CHERP: variants seen among roughly 807,000 people sequenced by gnomAD.
CHERP encodes the protein ERPROT 213-21.
Under a neutral mutation model 113.8 loss-of-function variants are expected in CHERP, and 8 were observed. The ratio of observed to expected loss-of-function variants is 0.07; its 90% CI spans 0.04 to 0.13. The LOEUF (loss-of-function observed/expected upper bound fraction) is 0.13. Ranked by LOEUF, CHERP falls within the 10% of genes least tolerant of loss-of-function variation. CHERP has a pLI of 1.00. For missense variants in CHERP, 884 were observed against 1,298.2 expected (o/e 0.68, Z 4.90); for synonymous variants, 559 against 524.5 (o/e 1.07, Z -0.90).
At position 16,523,185 on chromosome 19, in the gene CHERP, G is replaced by T. The variant is rs371448176; in HGVS notation, c.1847C>A (p.Pro616His). The T allele has an allele frequency of 7.0e-6, 11 of 1,575,764 alleles. No individual in the cohort carries two copies. Among genetic ancestry groups the T allele is most frequent in the Admixed American group, 1.9e-5 (1 of 51,378 alleles). ...GPQHPDFGPPPHGFNGQPPHM... is the reference protein window; with the variant it reads ...GPQHPDFGPPHHGFNGQPPHM... Reference sequence around the variant, plus strand: ...TGGGGGCTGCCCGTTGAAGCCATGGGGGGGAGGGCCGAAGTCAGGGTGCTG... The same window carrying T: ...TGGGGGCTGCCCGTTGAAGCCATGGTGGGGAGGGCCGAAGTCAGGGTGCTG... Residue 616 changes from proline to histidine, a missense_variant, in exon 11 of 17, where the codon CCC (proline) becomes CAC (histidine). Around this residue, in one of 8 missense-constraint regions of CHERP, gnomAD observed 464 missense variants for 590.1 expected, o/e 0.79. Transcript: ENST00000546361. The surrounding 1 kb of genome is among the most constrained non-coding windows in gnomAD (Gnocchi z 4.0).
chr19:16,525,495 C>G lies in CHERP; in HGVS notation c.1488G>C (p.Trp496Cys). Residue 496 changes from tryptophan (W) to cysteine (C), a missense_variant, in exon 10 of 17, where the codon TGG becomes TGC. Around this residue, in one of 8 missense-constraint regions of CHERP, gnomAD observed 464 missense variants for 590.1 expected, o/e 0.79. Coordinates refer to ENST00000546361, the MANE Select transcript of CHERP (RefSeq NM_006387.6). This position sits in a 1 kb window ranked among gnomAD's most constrained non-coding sequence, Gnocchi z 6.5. ...AAWNSQFEGP[W>C]NSQHEQPPWG... ...AGGGCGGCTGCTCGTGCTGGCTGTT[C>G]CAGGGGCCCTCGAACTGGCTGTTCC... is the stretch of plus-strand genomic sequence containing the variant. The G allele has an allele frequency of 1.3e-6, 2 of 1,553,902 alleles. No individual in the cohort carries two copies. Among genetic ancestry groups the G allele is most frequent in the Non-Finnish European group, 1.7e-6 (2 of 1,150,946 alleles).
At chr19:16,527,875 G>C (rs1039993498) in intron 9 of CHERP, among the ~76,000 whole-genome samples, 8 of 152,190 alleles carry the variant, frequency 5.3e-5, no homozygotes, top group African/African-American at 1.9e-4. Context: ...TCAAAGCTCG[G>C]GGAAGGGACG....
chr19:16,525,090 A>C lies in CHERP; in HGVS notation c.1741+152T>G. 3 of 713,920 alleles carry C rather than the reference A, an allele frequency of 4.2e-6. No homozygotes were observed. The highest frequency in any genetic ancestry group is 4.8e-5 in the South Asian group (1 of 20,868). The allele number at this position is 713,920 out of a possible 1,614,324, so 44.2% of individuals were successfully genotyped here. ...GAGTCTGTGCCCCCACTTCCTGAGA[A>C]CCCAGGCCGGGCTCCTCGGACGTCC... On this transcript the variant is annotated intron_variant, in intron 10 of 16. Transcript: ENST00000546361. The surrounding 1 kb of genome is among the most constrained non-coding windows in gnomAD (Gnocchi z 6.5).
intron 3 of CHERP, 80 bp from the exon 4 acceptor site, chr19:16,533,228 GC>G: frequency 7.1e-7 from 1 of 1,410,068 alleles, no homozygotes; most frequent in Non-Finnish European, 9.6e-7. Flanking sequence ...CTCAGCAGGG[GC>G]GGGGTGGGGA....
Position 16,532,937 on chromosome 19 carries a change from G to C in CHERP, c.522+74C>G. ...ACCCATTGTAACAGCCCTTAGCCCA[G>C]ATTGGCTACGACAGGCCCTGCCTCA... On this transcript the variant is annotated intron_variant, in intron 4 of 16. Coordinates refer to ENST00000546361, the MANE Select transcript of CHERP (RefSeq NM_006387.6). The surrounding 1 kb of genome is among the most constrained non-coding windows in gnomAD (Gnocchi z 4.4). The C allele has an allele frequency of 1.9e-6, 3 of 1,538,708 alleles. No homozygotes were observed. Among genetic ancestry groups the C allele is most frequent in the Non-Finnish European group, 2.6e-6 (3 of 1,138,466 alleles).
chr19:16,532,962 A>G lies in CHERP; in HGVS notation c.522+49T>C, dbSNP rs369648592. 1 of 1,553,240 alleles carries G rather than the reference A, an allele frequency of 6.4e-7. No individual in the cohort carries two copies. The highest frequency in any genetic ancestry group is 2.4e-5 in the East Asian group (1 of 41,404). Reference sequence around the variant, plus strand: ...GATTGGCTACGACAGGCCCTGCCTCAGGGAGGGACCAAGGGAAAGCTGGGC... The same window carrying G: ...GATTGGCTACGACAGGCCCTGCCTCGGGGAGGGACCAAGGGAAAGCTGGGC... On this transcript the variant is annotated intron_variant, in intron 4 of 16. Coordinates refer to ENST00000546361, the MANE Select transcript of CHERP (RefSeq NM_006387.6). This position sits in a 1 kb window ranked among gnomAD's most constrained non-coding sequence, Gnocchi z 4.4.
At chr19:16,541,684 T>C (rs1417107829) in intron 2 of CHERP, 186 bp downstream of exon 2, 1 of 597,426 alleles carries the variant, frequency 1.7e-6, no homozygotes, top group Non-Finnish European at 2.9e-6. Flanking sequence ...TGTTCTCCAT[T>C]ACAGTGGCAC....
In CHERP at chr19:16,532,268, G is replaced by C; in HGVS notation, c.674+330C>G. 7.1e-6 allele frequency: 2 copies of C among 280,794 alleles called. No individual in the cohort carries two copies. The allele number at this position is 280,794 out of a possible 1,614,324, so 17.4% of individuals were successfully genotyped here. A position where few individuals can be genotyped will look rare whatever the true frequency, so the allele number is the denominator to read the frequency against. On this transcript the variant is annotated intron_variant, in intron 5 of 16. Transcript: ENST00000546361. The surrounding 1 kb of genome is among the most constrained non-coding windows in gnomAD (Gnocchi z 4.4). The stretch of plus-strand genomic sequence containing the variant: ...AGGCCAAGGAGGCCGTGGCTGAGAA[G>C]GCAACAAGGAGACGCCAAGAAGCTG...
Position 16,532,981 on chromosome 19 carries a change from G to A in CHERP, c.522+30C>T, listed in dbSNP as rs997066673. On this transcript the variant is annotated intron_variant, in intron 4 of 16. Transcript: ENST00000546361. This position sits in a 1 kb window ranked among gnomAD's most constrained non-coding sequence, Gnocchi z 4.4. ...TGCCTCAGGGAGGGACCAAGGGAAA[G>A]CTGGGCTCTGGGAAGTGCTGGCCCC... 1.3e-6 allele frequency: 2 copies of A among 1,558,154 alleles called. No individual in the cohort carries two copies. The highest frequency in any genetic ancestry group is 3.9e-5 in the Admixed American group (2 of 51,658).
intron 11 of CHERP, among the ~76,000 whole-genome samples, chr19:16,522,151 TG>T (rs2085621734): frequency 6.6e-6 from 1 of 152,066 alleles, no homozygotes; most frequent in South Asian, 2.1e-4. Flanking sequence ...CTGCTGCCCA[TG>T]GCTCCGTGAA....
In CHERP at chr19:16,520,455, G is replaced by C; in HGVS notation, c.2254C>G (p.Arg752Gly). The stretch of plus-strand genomic sequence containing the variant: ...GACTTGGAGGATCTTGAGTTGGAGC[G>C]GGAGGAAGAACGCCCTCGACTCTTG... The part of the protein sequence containing the change: ...RSKSRGRSSS[R>G]SNSRSSKSSG... The change falls in exon 14 of 17, where the codon CGC becomes GGC. Residue 752 changes from arginine (R) to glycine (G), a missense_variant. Transcript: ENST00000546361. This position sits in a 1 kb window ranked among gnomAD's most constrained non-coding sequence, Gnocchi z 4.0. 3 of 1,614,098 alleles carry C rather than the reference G, an allele frequency of 1.9e-6. No homozygotes were observed. Among genetic ancestry groups the C allele is most frequent in the Non-Finnish European group, 2.5e-6 (3 of 1,180,016 alleles).
At position 16,520,635 on chromosome 19, in the gene CHERP, G is replaced by A; in HGVS notation, c.2202-128C>T. ...CTGTGGATGTGGCGCCATAGCCACA[G>A]CAACGGTACCAAGTTCCTAAATAGT... On this transcript the variant is annotated intron_variant, in intron 13 of 16. Transcript: ENST00000546361. This position sits in a 1 kb window ranked among gnomAD's most constrained non-coding sequence, Gnocchi z 4.0. 1 of 1,231,916 alleles carries A rather than the reference G, an allele frequency of 8.1e-7. No homozygotes were observed. Among genetic ancestry groups the A allele is most frequent in the South Asian group, 1.4e-5 (1 of 72,864 alleles). 76.3% of individuals were successfully genotyped at this position (1,231,916 alleles called of 1,614,324 possible). A position where few individuals can be genotyped will look rare whatever the true frequency, so the allele number is the denominator to read the frequency against.
intron 2 of CHERP, among the ~76,000 whole-genome samples, chr19:16,538,111 C>T (rs1381305934): frequency 3.3e-5 from 5 of 152,068 alleles, no homozygotes; most frequent in Non-Finnish European, 4.4e-5. Flanking sequence ...GTCTCTCCCA[C>T]GCTTCCAGGA....
At position 16,522,621 on chromosome 19, in the gene CHERP, G is replaced by A. The variant is rs530060033; in HGVS notation, c.1980+431C>T. Reference sequence around the variant, plus strand: ...CTCCGGCCATCCCACAGTGGTACCAGCTGCTGCCAGCCCTGCCCGGCTTCT... The same window carrying A: ...CTCCGGCCATCCCACAGTGGTACCAACTGCTGCCAGCCCTGCCCGGCTTCT... On this transcript the variant is annotated intron_variant, in intron 11 of 16. Coordinates refer to ENST00000546361, the MANE Select transcript of CHERP (RefSeq NM_006387.6). Among the ~76,000 whole-genome samples, 7 of 152,138 alleles carry A rather than the reference G, an allele frequency of 4.6e-5. No homozygotes were observed. In the East Asian group the frequency reaches 1.4e-3, roughly 30 times the overall value.
At position 16,520,978 on chromosome 19, in the gene CHERP, C is replaced by G; in HGVS notation, c.2115-66G>C. ...ACCCACAAGGAAGTCGTGAAAAAGT[C>G]ATCAGGAGTTAATCCACAGAACCTT... is the stretch of plus-strand genomic sequence containing the variant. On this transcript the variant is annotated intron_variant, in intron 12 of 16. Coordinates refer to ENST00000546361, the MANE Select transcript of CHERP (RefSeq NM_006387.6). This position sits in a 1 kb window ranked among gnomAD's most constrained non-coding sequence, Gnocchi z 4.0. 1 of 1,368,046 alleles carries G rather than the reference C, an allele frequency of 7.3e-7. No homozygotes were observed. The highest frequency in any genetic ancestry group is 1.0e-6 in the Non-Finnish European group (1 of 960,334). 84.7% of individuals were successfully genotyped at this position (1,368,046 alleles called of 1,614,324 possible).
In CHERP at chr19:16,528,087, T is replaced by G. The variant is rs770590958; in HGVS notation, c.1298A>C (p.Gln433Pro). The change falls in exon 9 of 17, where the codon CAG becomes CCG. Residue 433 changes from glutamine (Q) to proline (P), a missense_variant. This residue lies in a region of CHERP where 464 missense variants were observed against 590.1 expected (regional missense o/e 0.79). Transcript: ENST00000546361. The part of the protein sequence containing the change: ...DQPHPVAPWG[Q>P]QQPPEQPPYP... ...CCAGGTTCCAATCAATACCTGCTGCTGGCCCCAAGGAGCCACGGGGTGAGG... is the reference window on the plus strand; with the variant it reads ...CCAGGTTCCAATCAATACCTGCTGCGGGCCCCAAGGAGCCACGGGGTGAGG... The G allele has an allele frequency of 1.2e-5, 20 of 1,613,028 alleles. No homozygotes were observed. Among genetic ancestry groups the G allele is most frequent in the South Asian group, 4.4e-5 (4 of 91,044 alleles).
At position 16,529,948 on chromosome 19, in the gene CHERP, C is replaced by T. The variant is rs138648315; in HGVS notation, c.877-48G>A. 1,255 of 1,568,504 alleles carry T rather than the reference C, an allele frequency of 8.0e-4. 10 individuals are homozygous for T. The African/African-American group carries it at 0.014, about 18-fold the overall frequency. On this transcript the variant is annotated intron_variant, in intron 7 of 16. Transcript: ENST00000546361. ...CTGCTCAGTATGCGGCCTTGGGGCTCGCTGCCTGGCGCCAGAGGACAAACG... is the reference window on the plus strand; with the variant it reads ...CTGCTCAGTATGCGGCCTTGGGGCTTGCTGCCTGGCGCCAGAGGACAAACG...
Position 16,532,507 on chromosome 19 carries a change from C to A in CHERP, c.674+91G>T. The A allele has an allele frequency of 1.4e-6, 2 of 1,431,262 alleles. No homozygotes were observed. Among genetic ancestry groups the A allele is most frequent in the Non-Finnish European group, 1.8e-6 (2 of 1,082,158 alleles). 88.7% of individuals were successfully genotyped at this position (1,431,262 alleles called of 1,614,324 possible). A position where few individuals can be genotyped will look rare whatever the true frequency, so the allele number is the denominator to read the frequency against. Reference sequence around the variant, plus strand: ...CCCCCTAGTCTCGGGACAGGCCAAGCCAAGCTACCGACCGGAGCAAGCGGC... The same window carrying A: ...CCCCCTAGTCTCGGGACAGGCCAAGACAAGCTACCGACCGGAGCAAGCGGC... On this transcript the variant is annotated intron_variant, in intron 5 of 16. Coordinates refer to ENST00000546361, the MANE Select transcript of CHERP (RefSeq NM_006387.6). The surrounding 1 kb of genome is among the most constrained non-coding windows in gnomAD (Gnocchi z 4.4).
In CHERP at chr19:16,532,493, C is replaced by T. The variant is rs541266342; in HGVS notation, c.674+105G>A. ...TCCCCGGACAAGTGCCCCCTAGTCT[C>T]GGGACAGGCCAAGCCAAGCTACCGA... On this transcript the variant is annotated intron_variant, in intron 5 of 16. Coordinates refer to ENST00000546361, the MANE Select transcript of CHERP (RefSeq NM_006387.6). This position sits in a 1 kb window ranked among gnomAD's most constrained non-coding sequence, Gnocchi z 4.4. 1.2e-5 allele frequency: 16 copies of T among 1,373,452 alleles called. No individual in the cohort carries two copies. The highest frequency in any genetic ancestry group is 5.9e-5 in the South Asian group (4 of 67,656). The allele number at this position is 1,373,452 out of a possible 1,614,324, so 85.1% of individuals were successfully genotyped here.
Sources: allele counts gnomAD v4.1 joint callset (sites outside exome capture counted in the v4.1 genomes callset), GRCh38; gene constraint gnomAD v4.1.1; regional missense constraint gnomAD v4.1.1; non-coding constraint Gnocchi (gnomAD v3.1); transcripts MANE v1.5; gene names NCBI Gene and HGNC (gene_info 2026-07-23, HGNC 2026-07-21).